PCNT: variants seen among roughly 807,000 people sequenced by gnomAD.
The protein encoded by PCNT is kendrin.
Under a neutral mutation model 380.4 loss-of-function variants are expected in PCNT, and 319 were observed. The ratio of observed to expected loss-of-function variants is 0.84; its 90% CI spans 0.77 to 0.92. The LOEUF (loss-of-function observed/expected upper bound fraction) is 0.92, where lower values mean the gene tolerates loss of function less well. PCNT is among the 40% of genes least tolerant of loss of function. The pLI is 0.00. For missense variants in PCNT, 4,400 were observed against 4,255.3 expected, an observed-to-expected ratio of 1.03 and a Z score of -0.95; for synonymous variants, 1,845 against 1,735.2, an observed-to-expected ratio of 1.06 and a Z score of -1.57.
In PCNT at chr21:46,382,257, G is replaced by A. The variant is rs1280754269; in HGVS notation, c.3312+417G>A. On this transcript the variant is annotated intron_variant, in intron 16 of 46. Coordinates refer to ENST00000359568, the MANE Select transcript of PCNT (RefSeq NM_006031.6). ...CATTCAGTGGCGGAAGCCCATTCAC[G>A]GTGTTGTGCATTCAGTGGTGGAAGC... Among the ~76,000 whole-genome samples the A allele has an allele frequency of 6.3e-5, 9 of 141,966 alleles. 1 individual carries two copies. The highest frequency in any genetic ancestry group is 3.6e-4 in the Admixed American group (5 of 13,844). 93.1% of individuals were successfully genotyped at this position (141,966 alleles called of 152,430 possible). A position where few individuals can be genotyped will look rare whatever the true frequency, so the allele number is the denominator to read the frequency against.
At chr21:46,417,103 G>T (rs1294623697) in intron 30 of PCNT, among the ~76,000 whole-genome samples, 2 of 151,720 alleles carry the variant, frequency 1.3e-5, no homozygotes, top group Middle Eastern at 3.2e-3. Context: ...AACGGGCATA[G>T]CCCAGACACG....
chr21:46,410,149 A>G (rs1262868617), intron 27 of PCNT, among the ~76,000 whole-genome samples: 3 of 152,192 alleles, frequency 2.0e-5, no homozygotes, highest in African/African-American at 7.2e-5. Context: ...CGCGACGGGG[A>G]GCAGAATGTG....
At position 46,411,727 on chromosome 21, in the gene PCNT, CG is replaced by C. The variant is rs1404090342; in HGVS notation, c.5656del (p.Ala1886ProfsTer56). The C allele has an allele frequency of 6.2e-7, 1 of 1,612,164 alleles. No individual in the cohort carries two copies. Among genetic ancestry groups the C allele is most frequent in the Non-Finnish European group, 8.5e-7 (1 of 1,179,816 alleles). On this transcript the variant is annotated frameshift_variant, in exon 28 of 47. Coordinates refer to ENST00000359568, the MANE Select transcript of PCNT (RefSeq NM_006031.6). LOFTEE classifies it high-confidence loss of function. ...LEIDALNQRK[A>X]AHSAELEAVL... ...ATCGACGCTCTGAACCAGCGGAAGG[CG>C]GCCCACTCTGCCGAGCTGGAGGCCG... is the stretch of plus-strand genomic sequence containing the variant.
At position 46,435,940 on chromosome 21, in the gene PCNT, A is replaced by C; in HGVS notation, c.8788A>C (p.Lys2930Gln). The part of the protein sequence containing the change: ...LELQRQRDLH[K>Q]IKQLQQTVRD... Reference sequence around the variant, plus strand: ...ACTGCAGCGTCAGCGTGACTTGCATAAGATCAAGCAGCTTCAGCAGACAGT... The same window carrying C: ...ACTGCAGCGTCAGCGTGACTTGCATCAGATCAAGCAGCTTCAGCAGACAGT... The change falls in exon 39 of 47, where the codon AAG (lysine) becomes CAG (glutamine). Residue 2930 changes from lysine (K) to glutamine (Q), a missense_variant. Coordinates refer to ENST00000359568, the MANE Select transcript of PCNT (RefSeq NM_006031.6). 6.2e-7 allele frequency: 1 copy of C among 1,614,204 alleles called. No homozygotes were observed. The highest frequency in any genetic ancestry group is 2.2e-5 in the East Asian group (1 of 44,866).
At chr21:46,326,267 C>G in intron 1 of PCNT, 110 bp from the exon 2 acceptor site, 1 of 940,130 alleles carries the variant, frequency 1.1e-6, no homozygotes, top group African/African-American at 1.6e-5. Flanking sequence ...GCAGAGTAGA[C>G]TGGGTCAGCC....
At chr21:46,358,853 C>T (rs1357499749) in intron 13 of PCNT, among the ~76,000 whole-genome samples, 6 of 151,722 alleles carry the variant, frequency 4.0e-5, no homozygotes, top group Non-Finnish European at 8.8e-5. Flanking sequence ...CAGGCTGGAG[C>T]GCGGTGGCGC....
At position 46,363,760 on chromosome 21, in the gene PCNT, G is replaced by C. The variant is rs1261529677; in HGVS notation, c.2435G>C (p.Arg812Thr). 12 of 1,614,036 alleles carry C rather than the reference G, an allele frequency of 7.4e-6. No individual in the cohort carries two copies. Among genetic ancestry groups the C allele is most frequent in the Non-Finnish European group, 9.3e-6 (11 of 1,180,014 alleles). Residue 812 changes from arginine (R) to threonine (T), a missense_variant, in exon 14 of 47, where the codon AGG becomes ACG. By Grantham distance (71) the Arg-to-Thr change is moderately conservative (BLOSUM62 -1). Coordinates refer to ENST00000359568, the MANE Select transcript of PCNT (RefSeq NM_006031.6). ...QQAAQILDLE[R>T]SLTEQQGRLQ... ...GCAGCCCAGATCCTGGATCTGGAGA[G>C]GTCCTTGACGGAGCAGCAGGGCCGC...
At chr21:46,402,859 T>G (rs1287814884) in intron 27 of PCNT, among the ~76,000 whole-genome samples, 2 of 152,204 alleles carry the variant, frequency 1.3e-5, no homozygotes, top group Non-Finnish European at 2.9e-5. Context: ...TCACTGTTTC[T>G]CTTCCCACTG....
At chr21:46,397,754 G>A (rs895122965) in intron 22 of PCNT, among the ~76,000 whole-genome samples, 6 of 152,092 alleles carry the variant, frequency 3.9e-5, no homozygotes, top group African/African-American at 9.7e-5. Context: ...CTTGGGGCCC[G>A]GGCTGGGCCT....
At chr21:46,442,444 T>C in intron 43 of PCNT, 53 bp from the exon 44 acceptor site, 1 of 1,150,174 alleles carries the variant, frequency 8.7e-7, no homozygotes, top group Non-Finnish European at 1.3e-6. Flanking sequence ...CATTGCTCTT[T>C]CCCTTCCTGT....
intron 16 of PCNT, 123 bp from the exon 17 acceptor site, chr21:46,385,709 C>A: frequency 2.8e-6 from 3 of 1,063,772 alleles, no homozygotes; most frequent in Non-Finnish European, 4.4e-6. Flanking sequence ...TTTGCCCCAT[C>A]ACCAAGCTGA....
At chr21:46,398,518 G>A (rs1223038497) in intron 24 of PCNT, among the ~76,000 whole-genome samples, 6 of 152,254 alleles carry the variant, frequency 3.9e-5, no homozygotes, top group East Asian at 1.9e-4. Context: ...CCACAGAGCC[G>A]GAATGCAGTG....
intron 15 of PCNT, among the ~76,000 whole-genome samples, chr21:46,370,446 G>A (rs2085079023): frequency 6.6e-6 from 1 of 151,682 alleles, no homozygotes; most frequent in Non-Finnish European, 1.5e-5. Context: ...AGGCAGCTGG[G>A]GGGATAGTGA....
At chr21:46,418,424 C>T (rs2087116579) in intron 31 of PCNT, 118 bp downstream of exon 31, 1 of 724,210 alleles carries the variant, frequency 1.4e-6, no homozygotes, top group Non-Finnish European at 2.5e-6. Flanking sequence ...CTGACCTCCA[C>T]CCCGGCTCTG....
In PCNT at chr21:46,437,043, G is replaced by T; in HGVS notation, c.9061G>T (p.Glu3021Ter). The change falls in exon 40 of 47, where the codon GAG (glutamate) becomes TAG (stop). Residue 3021 changes from glutamate (E) to a stop codon, truncating the protein, a stop_gained. Transcript: ENST00000359568. LOFTEE classifies it high-confidence loss of function. ...GATGTCTTTACTGCACACGTTGGAG[G>T]AGCTGAAGTCTGACTTGAGCAGGCC... Reference protein sequence around the residue: ...AVMSLLHTLEELKSDLSRPTS... With the variant: ...AVMSLLHTLE The T allele has an allele frequency of 6.2e-7, 1 of 1,614,208 alleles. No individual in the cohort carries two copies. The highest frequency in any genetic ancestry group is 2.2e-5 in the East Asian group (1 of 44,890).
Position 46,440,135 on chromosome 21 carries a change from T to G in PCNT, c.9326T>G (p.Leu3109Arg), listed in dbSNP as rs761557744. The G allele has an allele frequency of 5.0e-6, 8 of 1,614,016 alleles. No homozygotes were observed. In the Admixed American group the frequency reaches 1.2e-4, roughly 24 times the overall value. Residue 3109 changes from leucine (L) to arginine (R), a missense_variant, in exon 42 of 47, where the codon CTG becomes CGG. Physicochemically the swap from Leu to Arg is moderately radical, Grantham distance 102. Transcript: ENST00000359568. ...KPDETAPQSS[L>R]RRPDPGRLPP... is the part of the protein sequence containing the mutation. ...GACGAAACGGCTCCACAGAGTTCCC[T>G]GAGGCGCCCAGACCCCGGCCGGCTT...
intron 14 of PCNT, among the ~76,000 whole-genome samples, chr21:46,365,833 TCCGTTC>T (rs2084905264): frequency 2.8e-5 from 4 of 144,002 alleles, no homozygotes; most frequent in African/African-American, 1.1e-4. Context: ...GCCGTGGGGT[TCCGTTC>T]ACTGCCACAG....
At chr21:46,401,789 G>T (rs569043741) in intron 26 of PCNT, 68 bp downstream of exon 26, 136 of 1,454,582 alleles carry the variant, frequency 9.3e-5, no homozygotes, top group Non-Finnish European at 1.3e-4. Flanking sequence ...CTCTGTGGCA[G>T]ATCCGATGTC....
intron 31 of PCNT, chr21:46,421,159 C>T (rs1162296386): frequency 1.3e-5 from 2 of 152,334 alleles, no homozygotes; most frequent in Admixed American, 6.5e-5. Flanking sequence ...CTGCCTGCAT[C>T]GTTGGCCTCT....
Sources: gnomAD v4.1 joint callset for allele counts (sites outside exome capture counted in the v4.1 genomes callset) on GRCh38, gnomAD v4.1.1 for gene constraint, MANE v1.5 for transcripts, NCBI Gene and HGNC (gene_info 2026-07-23, HGNC 2026-07-21) for gene names.